Variants in WDFY2 observed in about 807,000 individuals in gnomAD.
WDFY2 encodes the protein WD repeat and FYVE domain containing 2.
A neutral mutation model predicts 56.4 loss-of-function variants in WDFY2; 36 were observed. That is an observed-to-expected ratio of 0.64 (90% CI 0.49 to 0.84). The LOEUF (loss-of-function observed/expected upper bound fraction) is 0.84, where lower values mean the gene tolerates loss of function less well. Ranked by LOEUF, WDFY2 falls within the 40% of genes least tolerant of loss-of-function variation. The pLI is 0.00. For synonymous variants in WDFY2, 176 were observed against 183.7 expected (o/e 0.96, Z 0.34); for missense variants, 444 against 512.2 (o/e 0.87, Z 1.29).
intron 1 of WDFY2, among the ~76,000 whole-genome samples, chr13:51,628,490 A>G (rs1438807283): frequency 6.6e-6 from 1 of 152,162 alleles, no homozygotes; most frequent in Non-Finnish European, 1.5e-5. Flanking sequence ...CTGGAGCTTC[A>G]GCTGGATGGC....
rs527556094 is a variant in WDFY2, at chr13:51,755,743, T to C, written c.933+284T>C. 3.9e-5 allele frequency among the ~76,000 whole-genome samples: 6 copies of C among 152,320 alleles called. No homozygotes were observed. The South Asian group carries it at 1.2e-3, about 32-fold the overall frequency. ...TTACAATTAGAGGTGTCATGCTTAG[T>C]TCGTATGGAAACCAGACCATGAAAT... On this transcript the variant is annotated intron_variant, in intron 9 of 11. Transcript: ENST00000298125.
intron 3 of WDFY2, among the ~76,000 whole-genome samples, chr13:51,696,680 T>G (rs887880810): frequency 2.0e-5 from 3 of 152,156 alleles, no homozygotes; most frequent in Non-Finnish European, 2.9e-5. Flanking sequence ...CCAAAATTAA[T>G]TCCAGGAGCA....
At chr13:51,717,839 C>T (rs955975641) in intron 4 of WDFY2, among the ~76,000 whole-genome samples, 2 of 152,144 alleles carry the variant, frequency 1.3e-5, no homozygotes, top group Admixed American at 6.5e-5. Flanking sequence ...ATTCTCCAAG[C>T]TTCAAATACC....
intron 6 of WDFY2, among the ~76,000 whole-genome samples, chr13:51,728,411 A>G (rs1239895410): frequency 1.3e-5 from 2 of 152,338 alleles, no homozygotes; most frequent in East Asian, 3.9e-4. Flanking sequence ...GATGATAATG[A>G]TTAATTTTTT....
intron 1 of WDFY2, among the ~76,000 whole-genome samples, chr13:51,642,223 C>A (rs547010875): frequency 1.6e-4 from 25 of 152,134 alleles, no homozygotes; most frequent in African/African-American, 5.8e-4. Context: ...ATTTATCTTA[C>A]AATTTATATA....
At position 51,667,879 on chromosome 13, in the gene WDFY2, C is replaced by CTTTTTTTTTTTTTTTTTTTT. The variant is rs66771214; in HGVS notation, c.205+7227_205+7246dup. ...GAAGAAAAAGGTACCTGAGGAACTT[C>CTTTTTTTTTTTTTTTTTTTT]TTTTTTTTTTTTTTTTTTTTTTTTT... On this transcript the variant is annotated intron_variant, in intron 2 of 11. Coordinates refer to ENST00000298125, the MANE Select transcript of WDFY2 (RefSeq NM_052950.4). Among the ~76,000 whole-genome samples the CTTTTTTTTTTTTTTTTTTTT allele has an allele frequency of 2.0e-4, 10 of 50,046 alleles. 2 individuals carry two copies. Among genetic ancestry groups the CTTTTTTTTTTTTTTTTTTTT allele is most frequent in the African/African-American group, 8.0e-4 (8 of 10,026 alleles). The allele number at this position is 50,046 out of a possible 152,430, so 32.8% of individuals were successfully genotyped here.
At position 51,609,427 on chromosome 13, in the gene WDFY2, G is replaced by A. The variant is rs191075998; in HGVS notation, c.137+24603G>A. ...CAATCAAGCATTGATAGTTGACCTT[G>A]GAAAAAGTATAGAAAGTAGATACAA... On this transcript the variant is annotated intron_variant, in intron 1 of 11. Transcript: ENST00000298125. Among the ~76,000 whole-genome samples the A allele has an allele frequency of 5.0e-3, 767 of 152,152 alleles. 5 individuals are homozygous for A. Among genetic ancestry groups the A allele is most frequent in the African/African-American group, 0.015 (605 of 41,542 alleles).
chr13:51,693,953 CTT>C (rs1951806035), intron 3 of WDFY2, among the ~76,000 whole-genome samples: 1 of 151,478 alleles, frequency 6.6e-6, no homozygotes, highest in African/African-American at 2.4e-5. Context: ...TTCTTTGTCT[CTT>C]TTGATCTTTG....
intron 1 of WDFY2, chr13:51,586,973 A>G (rs1345683363): frequency 6.6e-6 from 1 of 152,176 alleles, no homozygotes; most frequent in Non-Finnish European, 1.5e-5. Context: ...TTGCTTTCCA[A>G]AATTCAATGT....
chr13:51,645,467 GC>G (rs1417313097), intron 1 of WDFY2, among the ~76,000 whole-genome samples: 1 of 152,032 alleles, frequency 6.6e-6, no homozygotes. Flanking sequence ...ATGGGTAGAC[GC>G]CCCGTCTTAT....
intron 1 of WDFY2, among the ~76,000 whole-genome samples, chr13:51,632,221 A>G (rs1010341035): frequency 1.3e-5 from 2 of 152,028 alleles, no homozygotes. Flanking sequence ...GCGGATGTCT[A>G]TTGGACTCTT....
chr13:51,610,794 C>A (rs756244603), intron 1 of WDFY2, among the ~76,000 whole-genome samples: 21 of 152,066 alleles, frequency 1.4e-4, no homozygotes, highest in Admixed American at 1.2e-3. Flanking sequence ...TAGATATTGC[C>A]GCTATTTTAG....
chr13:51,759,853 A>G lies in WDFY2; in HGVS notation c.*84A>G. On this transcript the variant is annotated 3_prime_UTR_variant, in exon 12 of 12. Transcript: ENST00000298125. ...AATCATTACCAGAGTGGTAAAGCAG[A>G]CATGTGAGAAGTAAGAAAGAAACTA... 7.0e-7 allele frequency: 1 copy of G among 1,430,526 alleles called. No individual in the cohort carries two copies. Among genetic ancestry groups the G allele is most frequent in the Non-Finnish European group, 9.8e-7 (1 of 1,023,270 alleles). 88.6% of individuals were successfully genotyped at this position (1,430,526 alleles called of 1,614,324 possible).
intron 7 of WDFY2, among the ~76,000 whole-genome samples, chr13:51,750,755 C>T (rs1943966554): frequency 6.6e-6 from 1 of 152,030 alleles, no homozygotes; most frequent in Non-Finnish European, 1.5e-5. Context: ...AAATGGAGAG[C>T]CTGTGAAATT....
intron 1 of WDFY2, among the ~76,000 whole-genome samples, chr13:51,628,447 C>T (rs1377637559): frequency 6.6e-6 from 1 of 152,224 alleles, no homozygotes; most frequent in Admixed American, 6.5e-5. Context: ...AGGAGGGCTT[C>T]CCAGGCCCCT....
chr13:51,647,596 A>AT (rs1464972501), intron 1 of WDFY2, among the ~76,000 whole-genome samples: 7 of 152,072 alleles, frequency 4.6e-5, no homozygotes, highest in African/African-American at 1.4e-4. Context: ...TCTCTATAAA[A>AT]TTTTTTAAAA....
chr13:51,727,604 A>G (rs958990353), intron 5 of WDFY2, 74 bp from the exon 6 acceptor site: 11 of 1,418,496 alleles, frequency 7.8e-6, no homozygotes, highest in Non-Finnish European at 1.1e-5. Flanking sequence ...TTCTTGTTAC[A>G]TTTATGCCCT....
chr13:51,659,186 C>T (rs867000710), intron 1 of WDFY2, among the ~76,000 whole-genome samples: 17 of 152,274 alleles, frequency 1.1e-4, no homozygotes, highest in Middle Eastern at 3.4e-3. Context: ...CTTGGCCTCC[C>T]AAGGTGCTGG....
At chr13:51,744,398 A>G (rs1470245046) in intron 7 of WDFY2, among the ~76,000 whole-genome samples, 2 of 152,210 alleles carry the variant, frequency 1.3e-5, no homozygotes, top group Non-Finnish European at 2.9e-5. Context: ...CCTCTCCCTT[A>G]ATCATCAGAC....
Sources: gnomAD v4.1 joint callset for allele counts (sites outside exome capture counted in the v4.1 genomes callset) on GRCh38, gnomAD v4.1.1 for gene constraint, MANE v1.5 for transcripts, NCBI Gene and HGNC (gene_info 2026-07-23, HGNC 2026-07-21) for gene names.